Variants in KLHL29 observed in about 807,000 individuals in gnomAD.
KLHL29 encodes kelch like family member 29, also known as kelch-like protein 29.
In KLHL29, 21 loss-of-function variants were observed where a neutral mutation model predicts 80.4. The ratio of observed to expected loss-of-function variants is 0.26; its 90% confidence interval spans 0.19 to 0.38. KLHL29 has a LOEUF of 0.38. KLHL29 is among the 10% of genes least tolerant of loss of function. The pLI is 1.00. For missense variants in KLHL29, 867 were observed against 1,223.9 expected (o/e 0.71, Z 4.35); for synonymous variants, 511 against 526.8 (o/e 0.97, Z 0.41).
intron 2 of KLHL29, among the ~76,000 whole-genome samples, chr2:23,535,860 C>T (rs1666646018): frequency 6.6e-6 from 1 of 152,160 alleles, no homozygotes; most frequent in African/African-American, 2.4e-5. Flanking sequence ...TGAGAATGTA[C>T]TTAATGCCAT....
At chr2:23,546,883 G>A (rs1039349782) in intron 2 of KLHL29, among the ~76,000 whole-genome samples, 2 of 152,200 alleles carry the variant, frequency 1.3e-5, no homozygotes, top group African/African-American at 4.8e-5. Flanking sequence ...GCTGGTGGCA[G>A]TAGGACCAGA....
chr2:23,634,485 C>A (rs1183988182), intron 3 of KLHL29, among the ~76,000 whole-genome samples: 1 of 152,176 alleles, frequency 6.6e-6, no homozygotes, highest in African/African-American at 2.4e-5. Context: ...CTGGAAGCTT[C>A]TTCTCGAGGC....
rs552856684 is a variant in KLHL29, at chr2:23,416,754, C to G, written c.-154+30974C>G. ...ATGGTGGCCTTCCTGGCCACGTTCCCTTTTTCTGCCCCTCCTGGGGCTCCA... is the reference window on the plus strand; with the variant it reads ...ATGGTGGCCTTCCTGGCCACGTTCCGTTTTTCTGCCCCTCCTGGGGCTCCA... On this transcript the variant is annotated intron_variant, in intron 1 of 13. Coordinates refer to ENST00000486442, the MANE Select transcript of KLHL29 (RefSeq NM_052920.2). Among the ~76,000 whole-genome samples, 4 of 152,318 alleles carry G rather than the reference C, an allele frequency of 2.6e-5. No homozygotes were observed. In the South Asian group the frequency reaches 8.3e-4, roughly 32 times the overall value.
chr2:23,562,126 C>A lies in KLHL29; in HGVS notation c.-45-26C>A. The A allele has an allele frequency of 3.9e-6, 6 of 1,532,386 alleles. No individual in the cohort carries two copies. The highest frequency in any genetic ancestry group is 4.4e-6 in the Non-Finnish European group (5 of 1,136,894). 94.9% of individuals were successfully genotyped at this position (1,532,386 alleles called of 1,614,324 possible). On this transcript the variant is annotated intron_variant, in intron 2 of 13. Coordinates refer to ENST00000486442, the MANE Select transcript of KLHL29 (RefSeq NM_052920.2). This position sits in a 1 kb window ranked among gnomAD's most constrained non-coding sequence, Gnocchi z 4.5. ...CGCTGCCTGCTCCAGTCCTAAATCA[C>A]CCTTCTCTCCACCCTGTCACCACAG...
intron 2 of KLHL29, among the ~76,000 whole-genome samples, chr2:23,536,395 C>A (rs957950556): frequency 2.0e-5 from 3 of 152,204 alleles, no homozygotes; most frequent in African/African-American, 7.2e-5. Context: ...TGGCTCCTGG[C>A]CTGTAATTCA....
At chr2:23,657,793 C>T (rs1421507122) in intron 5 of KLHL29, among the ~76,000 whole-genome samples, 2 of 152,182 alleles carry the variant, frequency 1.3e-5, no homozygotes, top group South Asian at 2.1e-4. Context: ...CCGGCCTCGC[C>T]TAAGAAGGCT....
intron 1 of KLHL29, among the ~76,000 whole-genome samples, chr2:23,452,192 T>G (rs1232698979): frequency 1.4e-5 from 2 of 140,074 alleles, no homozygotes; most frequent in Non-Finnish European, 3.1e-5. Context: ...AATTTTTTTC[T>G]TTTTTTTTTT....
intron 2 of KLHL29, among the ~76,000 whole-genome samples, chr2:23,527,386 C>T (rs987317889): frequency 2.0e-5 from 3 of 152,220 alleles, no homozygotes; most frequent in East Asian, 3.9e-4. Flanking sequence ...GCAGGGCCCT[C>T]GTGGGTGTTG....
intron 1 of KLHL29, among the ~76,000 whole-genome samples, chr2:23,463,666 C>G (rs1426424842): frequency 6.6e-6 from 1 of 152,150 alleles, no homozygotes; most frequent in Non-Finnish European, 1.5e-5. Flanking sequence ...AGAACTCTGA[C>G]CAACATCCTT....
intron 1 of KLHL29, among the ~76,000 whole-genome samples, chr2:23,394,782 A>G (rs1435778464): frequency 6.6e-6 from 1 of 152,270 alleles, no homozygotes; most frequent in Non-Finnish European, 1.5e-5. Context: ...CTTCAGACTT[A>G]AATGTGCTGG....
chr2:23,518,586 G>A (rs889204573), intron 2 of KLHL29, among the ~76,000 whole-genome samples: 89 of 152,170 alleles, frequency 5.8e-4, no homozygotes, highest in African/African-American at 2.1e-3. Flanking sequence ...GGAAGGCTCT[G>A]TGCACCTTCT....
intron 5 of KLHL29, among the ~76,000 whole-genome samples, chr2:23,678,813 A>C (rs1670992517): frequency 6.6e-6 from 1 of 152,246 alleles, no homozygotes. Flanking sequence ...AGCCATTCAC[A>C]GGACAAATAT....
At chr2:23,527,165 C>T (rs1011457528) in intron 2 of KLHL29, among the ~76,000 whole-genome samples, 4 of 152,176 alleles carry the variant, frequency 2.6e-5, no homozygotes, top group East Asian at 1.9e-4. Flanking sequence ...ACCCTAGACA[C>T]GGCTCACACG....
intron 2 of KLHL29, among the ~76,000 whole-genome samples, chr2:23,476,803 A>C (rs1664653508): frequency 6.6e-6 from 1 of 152,278 alleles, no homozygotes; most frequent in Non-Finnish European, 1.5e-5. Flanking sequence ...AGGATCAGGC[A>C]GCCAGAAATG....
intron 5 of KLHL29, among the ~76,000 whole-genome samples, chr2:23,665,479 G>A (rs1445776966): frequency 6.6e-6 from 1 of 152,202 alleles, no homozygotes; most frequent in Non-Finnish European, 1.5e-5. Context: ...TGCCAAAAGT[G>A]AGACCCATGC....
At chr2:23,613,870 T>C (rs1117889) in intron 3 of KLHL29, among the ~76,000 whole-genome samples, 129,796 of 151,636 alleles carry the variant, frequency 0.86, 56,081 homozygotes, top group East Asian at 1. Context: ...ATCTTGGGAC[T>C]CCAAAATCAC....
At chr2:23,393,215 A>G (rs1666365040) in intron 1 of KLHL29, among the ~76,000 whole-genome samples, 1 of 152,212 alleles carries the variant, frequency 6.6e-6, no homozygotes, top group African/African-American at 2.4e-5. Context: ...CAGACATCAA[A>G]GCTGACTTTT....
At chr2:23,468,548 C>T (rs532810158) in intron 1 of KLHL29, among the ~76,000 whole-genome samples, 3 of 152,184 alleles carry the variant, frequency 2.0e-5, no homozygotes, top group African/African-American at 7.2e-5. Context: ...ACACCGCCCC[C>T]CTCCCCGCCG....
intron 2 of KLHL29, among the ~76,000 whole-genome samples, chr2:23,548,332 GAC>G (rs377208071): frequency 1.2e-4 from 18 of 149,928 alleles, no homozygotes; most frequent in South Asian, 4.4e-4. Flanking sequence ...CAAGCACACA[GAC>G]ACACACACAG....
Sources: gnomAD v4.1 joint callset for allele counts (sites outside exome capture counted in the v4.1 genomes callset) on GRCh38, gnomAD v4.1.1 for gene constraint, Gnocchi (gnomAD v3.1) non-coding constraint, MANE v1.5 for transcripts, NCBI Gene and HGNC (gene_info 2026-07-23, HGNC 2026-07-21) for gene names.